NSUN2: variants seen among roughly 807,000 people sequenced by gnomAD.
NSUN2 encodes the protein RNA cytosine C(5)-methyltransferase NSUN2.
NSUN2 carries 63 observed loss-of-function variants against 92.7 expected under a neutral mutation model. That is an observed-to-expected ratio of 0.68 (90% CI 0.56 to 0.84). The LOEUF is 0.84. Among genes scored for constraint, NSUN2 ranks in the 40% least tolerant of loss-of-function variants. The probability of loss-of-function intolerance (pLI) is 0.00; values close to 1 mark genes in which losing one functional copy is unlikely to be tolerated. For missense variants in NSUN2, 989 were observed against 964.9 expected (o/e 1.02, Z -0.33); for synonymous variants, 356 against 348.3 (o/e 1.02, Z -0.25).
At chr5:6,603,994 T>C (rs1224055143) in intron 17 of NSUN2, 144 bp downstream of exon 17, 1 of 744,912 alleles carries the variant, frequency 1.3e-6, no homozygotes, top group Non-Finnish European at 2.2e-6. Flanking sequence ...ATCAGGGATC[T>C]ACAGAACCCT....
chr5:6,629,702 G>A (rs994927705), intron 3 of NSUN2, among the ~76,000 whole-genome samples: 2 of 152,152 alleles, frequency 1.3e-5, no homozygotes, highest in Non-Finnish European at 2.9e-5. Flanking sequence ...ATTTCACCTT[G>A]AATTGTAATA....
At chr5:6,614,628 A>G (rs1737138874) in intron 9 of NSUN2, among the ~76,000 whole-genome samples, 1 of 152,160 alleles carries the variant, frequency 6.6e-6, no homozygotes, top group Non-Finnish European at 1.5e-5. Flanking sequence ...CCCCTCACGA[A>G]GCCACTCCTT....
chr5:6,606,719 C>CAGAA (rs1736789050), intron 14 of NSUN2, 101 bp downstream of exon 14: 1 of 564,450 alleles, frequency 1.8e-6, no homozygotes, highest in African/African-American at 2.0e-5. Flanking sequence ...AAAAGCTAGA[C>CAGAA]AGAACTACAT....
intron 14 of NSUN2, among the ~76,000 whole-genome samples, chr5:6,606,075 A>G (rs1161474321): frequency 1.3e-5 from 2 of 152,198 alleles, no homozygotes; most frequent in Non-Finnish European, 2.9e-5. Flanking sequence ...CTAAAATTCA[A>G]TGAATAAGAA....
chr5:6,604,497 G>T, intron 16 of NSUN2, 108 bp downstream of exon 16: 1 of 1,091,740 alleles, frequency 9.2e-7, no homozygotes, highest in Non-Finnish European at 1.4e-6. Context: ...GTAGGTGCCA[G>T]CCAAGCCCTG....
Position 6,632,770 on chromosome 5 carries a change from G to C in NSUN2, c.97-14C>G. The C allele has an allele frequency of 6.2e-7, 1 of 1,611,958 alleles. No individual in the cohort carries two copies. Among genetic ancestry groups the C allele is most frequent in the Non-Finnish European group, 8.5e-7 (1 of 1,178,938 alleles). On this transcript the variant is annotated splice_polypyrimidine_tract_variant and intron_variant, in intron 1 of 18. Transcript: ENST00000264670. ...TCCTTCCCAGCCCTGAGGAAGGAAA[G>C]AGACGTCTACCCCGAGGCCCAAGGA... is the stretch of plus-strand genomic sequence containing the variant.
intron 18 of NSUN2, among the ~76,000 whole-genome samples, chr5:6,602,137 C>T (rs568416534): frequency 6.6e-6 from 1 of 152,344 alleles, no homozygotes; most frequent in South Asian, 2.1e-4. Flanking sequence ...CGGAACCTCA[C>T]TCAACTGTCC....
At chr5:6,625,819 C>A in intron 3 of NSUN2, 150 bp from the exon 4 acceptor site, 2 of 633,632 alleles carry the variant, frequency 3.2e-6, no homozygotes, top group Admixed American at 2.5e-5. Context: ...CAGTCAGCAA[C>A]ACTCAGAGAT....
At chr5:6,613,174 T>C (rs1173026603) in intron 9 of NSUN2, among the ~76,000 whole-genome samples, 1 of 152,246 alleles carries the variant, frequency 6.6e-6, no homozygotes, top group Non-Finnish European at 1.5e-5. Context: ...ACTCACTGAA[T>C]GAAGTAATTC....
chr5:6,632,257 AG>A lies in NSUN2; in HGVS notation c.255-281del, dbSNP rs574337637. 7.2e-5 allele frequency among the ~76,000 whole-genome samples: 11 copies of A among 152,036 alleles called. No homozygotes were observed. The South Asian group carries it at 1.3e-3, about 17-fold the overall frequency. ...TAGAAAGATGTAACTACAAAGATGGAGGGGGGGCGCGGAGGAGGGGAGAACC... is the reference window on the plus strand; with the variant it reads ...TAGAAAGATGTAACTACAAAGATGGAGGGGGGCGCGGAGGAGGGGAGAACC... On this transcript the variant is annotated intron_variant, in intron 2 of 18. Coordinates refer to ENST00000264670, the MANE Select transcript of NSUN2 (RefSeq NM_017755.6).
chr5:6,602,604 A>G (rs1560970375), intron 17 of NSUN2, 104 bp from the exon 18 acceptor site: 3 of 1,042,368 alleles, frequency 2.9e-6, no homozygotes, highest in Non-Finnish European at 4.5e-6. Flanking sequence ...CTGAAGAAAG[A>G]AAACAACAAA....
rs748748738 is a variant in NSUN2, at chr5:6,607,174, G to A, written c.1508+26C>T. ...GGACTGTGAAGACACCAGCGTATTA[G>A]ATCAAGACATAACCACTTTTCTTAC... On this transcript the variant is annotated intron_variant, in intron 13 of 18. Coordinates refer to ENST00000264670, the MANE Select transcript of NSUN2 (RefSeq NM_017755.6). 1.2e-5 allele frequency: 19 copies of A among 1,610,498 alleles called. No homozygotes were observed. The South Asian group carries it at 2.1e-4, about 18-fold the overall frequency.
intron 15 of NSUN2, 181 bp downstream of exon 15, chr5:6,605,092 A>C: frequency 1.3e-6 from 1 of 799,632 alleles, no homozygotes; most frequent in Non-Finnish European, 2.0e-6. Flanking sequence ...CTCTGGCAGG[A>C]ACCATTCAGC....
At chr5:6,603,362 A>G (rs961209030) in intron 17 of NSUN2, among the ~76,000 whole-genome samples, 1 of 152,244 alleles carries the variant, frequency 6.6e-6, no homozygotes, top group Non-Finnish European at 1.5e-5. Context: ...TAAAATCTGC[A>G]TGTTAGCCAG....
intron 15 of NSUN2, 74 bp from the exon 16 acceptor site, chr5:6,604,759 A>C: frequency 8.1e-7 from 1 of 1,239,516 alleles, no homozygotes. Context: ...GCCGGGCCAC[A>C]TGGAGCAACC....
intron 3 of NSUN2, among the ~76,000 whole-genome samples, chr5:6,626,310 C>T (rs1280691280): frequency 6.6e-6 from 1 of 151,646 alleles, no homozygotes. Context: ...TAAATGATGA[C>T]ATCAATGTTA....
chr5:6,625,102 G>GAA (rs57398741), intron 4 of NSUN2, among the ~76,000 whole-genome samples: 11,261 of 132,042 alleles, frequency 0.085, 464 homozygotes, highest in South Asian at 0.12. Flanking sequence ...TGTGTGGTAA[G>GAA]AAAAAAAAAA....
At chr5:6,613,228 G>C (rs1737074479) in intron 9 of NSUN2, among the ~76,000 whole-genome samples, 1 of 152,198 alleles carries the variant, frequency 6.6e-6, no homozygotes, top group Non-Finnish European at 1.5e-5. Context: ...TGACATATTG[G>C]AATGTTAGGT....
chr5:6,605,081 A>T, intron 15 of NSUN2, 192 bp downstream of exon 15: 1 of 742,168 alleles, frequency 1.3e-6, no homozygotes, highest in Non-Finnish European at 2.2e-6. Flanking sequence ...CAGATTCAGG[A>T]CTCTGGCAGG....
Sources: gnomAD v4.1 joint callset for allele counts (sites outside exome capture counted in the v4.1 genomes callset) on GRCh38, gnomAD v4.1.1 for gene constraint, MANE v1.5 for transcripts, NCBI Gene and HGNC (gene_info 2026-07-23, HGNC 2026-07-21) for gene names.